ADAM22: variants seen among roughly 807,000 people sequenced by gnomAD.
ADAM22 encodes ADAM metallopeptidase domain 22, also known as disintegrin and metalloproteinase domain-containing protein 22.
A neutral mutation model predicts 144.6 loss-of-function variants in ADAM22; 65 were observed. The ratio of observed to expected loss-of-function variants is 0.45; its 90% CI spans 0.37 to 0.55. The LOEUF is 0.55. Among genes scored for constraint, ADAM22 ranks in the 20% least tolerant of loss-of-function variants. The pLI, the probability that ADAM22 is intolerant of heterozygous loss-of-function variation, is 0.00. For synonymous variants in ADAM22, 391 were observed against 412.6 expected, an observed-to-expected ratio of 0.95 and a Z score of 0.63; for missense variants, 974 against 1,184.9, an observed-to-expected ratio of 0.82 and a Z score of 2.61.
intron 3 of ADAM22, among the ~76,000 whole-genome samples, chr7:88,012,367 C>T (rs1795637994): frequency 6.6e-6 from 1 of 152,080 alleles, no homozygotes. Context: ...TCTCTTCAGA[C>T]TGTTTTTTTT....
chr7:88,181,633 GT>G (rs1440640569), intron 28 of ADAM22, 28 bp downstream of exon 28: 1 of 1,583,312 alleles, frequency 6.3e-7, no homozygotes, highest in African/African-American at 1.3e-5. Context: ...GAATCTGTCT[GT>G]CCACATAATC....
intron 9 of ADAM22, 43 bp from the exon 10 acceptor site, chr7:88,130,345 T>G (rs1339090939): frequency 6.7e-7 from 1 of 1,502,930 alleles, no homozygotes; most frequent in Non-Finnish European, 9.2e-7. Flanking sequence ...GATTGTTTTC[T>G]GATCACTTTG....
At chr7:88,075,183 CTTTTT>C (rs1305164114) in intron 3 of ADAM22, among the ~76,000 whole-genome samples, 1 of 151,880 alleles carries the variant, frequency 6.6e-6, no homozygotes, top group Non-Finnish European at 1.5e-5. Flanking sequence ...CTTTCTTTGC[CTTTTT>C]TTATTTTGTG....
intron 11 of ADAM22, 124 bp from the exon 12 acceptor site, chr7:88,132,743 C>T (rs1832108784): frequency 1.5e-6 from 1 of 684,842 alleles, no homozygotes. Flanking sequence ...TCTTCCCTTG[C>T]AATGTGAATA....
intron 3 of ADAM22, among the ~76,000 whole-genome samples, chr7:88,009,607 A>AAGT (rs1554399332): frequency 7.9e-5 from 12 of 151,776 alleles, no homozygotes; most frequent in Non-Finnish European, 1.3e-4. Flanking sequence ...AATAAAAAAA[A>AAGT]GTGCATTTAT....
chr7:88,141,936 T>C (rs891634010), intron 14 of ADAM22, among the ~76,000 whole-genome samples: 4 of 152,194 alleles, frequency 2.6e-5, no homozygotes, highest in African/African-American at 4.8e-5. Context: ...AATTACTAGA[T>C]CCAAAGGTGT....
rs145737307 is a variant in ADAM22 at position 88,134,075 on chromosome 7, A to G, written c.1078-254A>G. On this transcript the variant is annotated intron_variant, in intron 12 of 31. Transcript: ENST00000413139. ...TGGTGAAATTTGGACTCAGATATAC[A>G]TTTCCAAAACCCAAAAGCTGTGATT... is the stretch of plus-strand genomic sequence containing the variant. Among the ~76,000 whole-genome samples the G allele has an allele frequency of 3.1e-3, 476 of 152,324 alleles. 1 individual carries two copies. Among genetic ancestry groups the G allele is most frequent in the Non-Finnish European group, 5.5e-3 (374 of 68,014 alleles).
intron 4 of ADAM22, among the ~76,000 whole-genome samples, chr7:88,081,698 C>T (rs1816709913): frequency 9.9e-6 from 1 of 101,158 alleles, no homozygotes; most frequent in African/African-American, 4.1e-5. Context: ...ACACCAATAA[C>T]AGACAGAGAG....
At chr7:87,952,679 C>T (rs1352405598) in intron 2 of ADAM22, among the ~76,000 whole-genome samples, 5 of 152,050 alleles carry the variant, frequency 3.3e-5, no homozygotes, top group African/African-American at 1.2e-4. Context: ...GGAGGATTCC[C>T]TCTTTTTCTA....
chr7:88,080,636 A>C (rs969266904), intron 4 of ADAM22, among the ~76,000 whole-genome samples: 2 of 152,320 alleles, frequency 1.3e-5, no homozygotes, highest in Non-Finnish European at 2.9e-5. Flanking sequence ...GAAGAATCAA[A>C]TAGACGCAAT....
chr7:87,959,187 C>T (rs1847496000), intron 2 of ADAM22, among the ~76,000 whole-genome samples: 1 of 152,002 alleles, frequency 6.6e-6, no homozygotes, highest in African/African-American at 2.4e-5. Context: ...TAAAGCTCAC[C>T]TCTGCCACTA....
chr7:88,168,772 T>C lies in ADAM22; in HGVS notation c.2282+545T>C, dbSNP rs79298439. On this transcript the variant is annotated intron_variant, in intron 25 of 31. Transcript: ENST00000413139. ...TAAACCTTAAATTTTCTTTAATATT[T>C]CAACTTAAAATCATATTCTGCTGAT... 3.9e-3 allele frequency among the ~76,000 whole-genome samples: 597 copies of C among 152,298 alleles called. 4 individuals are homozygous for C. The highest frequency in any genetic ancestry group is 0.014 in the African/African-American group (573 of 41,566).
intron 2 of ADAM22, among the ~76,000 whole-genome samples, chr7:87,952,908 A>C (rs575220842): frequency 1.3e-5 from 2 of 152,278 alleles, no homozygotes; most frequent in South Asian, 4.1e-4. Context: ...CATTTCTTCT[A>C]GATTTTCTAG....
At chr7:88,165,125 C>T (rs1271315055) in intron 23 of ADAM22, among the ~76,000 whole-genome samples, 1 of 152,040 alleles carries the variant, frequency 6.6e-6, no homozygotes, top group African/African-American at 2.4e-5. Context: ...TTAACTCTCT[C>T]CTGCTTCTCT....
At chr7:88,121,594 C>T (rs544159462) in intron 7 of ADAM22, among the ~76,000 whole-genome samples, 1 of 152,280 alleles carries the variant, frequency 6.6e-6, no homozygotes, top group East Asian at 1.9e-4. Flanking sequence ...GGATTAGCTT[C>T]TGAGCTCACT....
intron 3 of ADAM22, among the ~76,000 whole-genome samples, chr7:88,054,172 GT>G (rs1807490314): frequency 6.6e-6 from 1 of 152,014 alleles, no homozygotes; most frequent in Non-Finnish European, 1.5e-5. Flanking sequence ...ATGTACACAT[GT>G]TTTTATATGT....
At chr7:88,085,431 A>T (rs1818186579) in intron 4 of ADAM22, among the ~76,000 whole-genome samples, 2 of 152,194 alleles carry the variant, frequency 1.3e-5, no homozygotes, top group African/African-American at 2.4e-5. Flanking sequence ...ACATTTTTAA[A>T]AAAGAGCTGG....
At chr7:87,943,528 G>T (rs1261360197) in intron 2 of ADAM22, among the ~76,000 whole-genome samples, 13 of 152,106 alleles carry the variant, frequency 8.5e-5, no homozygotes, top group Non-Finnish European at 1.8e-4. Flanking sequence ...ACAACATGCT[G>T]TATTTTTTAA....
At chr7:88,062,318 A>G (rs999759233) in intron 3 of ADAM22, among the ~76,000 whole-genome samples, 1 of 152,208 alleles carries the variant, frequency 6.6e-6, no homozygotes, top group Non-Finnish European at 1.5e-5. Context: ...CAGCTTCTCC[A>G]TCAGCACTTG....
Sources: gnomAD v4.1 joint callset for allele counts (sites outside exome capture counted in the v4.1 genomes callset) on GRCh38, gnomAD v4.1.1 for gene constraint, MANE v1.5 for transcripts, NCBI Gene and HGNC (gene_info 2026-07-23, HGNC 2026-07-21) for gene names.